The following PTPRM variants were observed in gnomAD, a reference collection of about 807,000 sequenced individuals.
PTPRM encodes protein tyrosine phosphatase receptor type M, also known as receptor-type tyrosine-protein phosphatase mu.
PTPRM carries 47 observed loss-of-function variants against 186.7 expected under a neutral mutation model. That is an observed-to-expected ratio of 0.25 (90% CI 0.20 to 0.32). The LOEUF (loss-of-function observed/expected upper bound fraction) is 0.32, where lower values mean the gene tolerates loss of function less well. PTPRM is among the 10% of genes least tolerant of loss of function. PTPRM has a pLI of 1.00. For synonymous variants in PTPRM, 668 were observed against 674.9 expected (o/e 0.99, Z 0.16); for missense variants, 1,494 against 1,865.0 (o/e 0.80, Z 3.66).
intron 10 of PTPRM, among the ~76,000 whole-genome samples, chr18:8,087,445 G>A (rs1266176053): frequency 6.6e-6 from 1 of 152,110 alleles, no homozygotes; most frequent in Non-Finnish European, 1.5e-5. Flanking sequence ...GGAGACCTCA[G>A]GAAACACAAT....
At chr18:8,240,780 GAGAGAGAGAGAGAGAGA>G (rs2094421011) in intron 14 of PTPRM, among the ~76,000 whole-genome samples, 1 of 25,588 alleles carries the variant, frequency 3.9e-5, no homozygotes, top group African/African-American at 2.9e-4. Flanking sequence ...GAGAGAGGGA[GAGAGAGAGAGAGAGAGA>G]GAGAGAGAGA....
At chr18:7,891,060 T>C (rs1051947898) in intron 3 of PTPRM, among the ~76,000 whole-genome samples, 2 of 150,990 alleles carry the variant, frequency 1.3e-5, no homozygotes, top group African/African-American at 4.9e-5. Context: ...GAGGATCACC[T>C]GGGTCCAGGA....
At chr18:7,717,852 G>A (rs112524404) in intron 1 of PTPRM, among the ~76,000 whole-genome samples, 3,349 of 152,242 alleles carry the variant, frequency 0.022, 119 homozygotes, top group African/African-American at 0.076. Context: ...TTGAGTGAGT[G>A]GAGTTTGATC....
At chr18:7,862,210 A>G (rs966107563) in intron 2 of PTPRM, among the ~76,000 whole-genome samples, 1 of 152,222 alleles carries the variant, frequency 6.6e-6, no homozygotes, top group African/African-American at 2.4e-5. Context: ...AATTTGCTGT[A>G]TAATAGTAGG....
At chr18:7,854,800 C>A (rs2047018222) in intron 2 of PTPRM, among the ~76,000 whole-genome samples, 1 of 142,702 alleles carries the variant, frequency 7.0e-6, no homozygotes, top group African/African-American at 2.6e-5. Flanking sequence ...TAGAAGTTTT[C>A]TGTGTAAATG....
At chr18:8,022,761 A>G (rs1188734512) in intron 7 of PTPRM, among the ~76,000 whole-genome samples, 1 of 152,184 alleles carries the variant, frequency 6.6e-6, no homozygotes, top group Non-Finnish European at 1.5e-5. Context: ...AATGACTTCA[A>G]ATTCCTGAAT....
intron 7 of PTPRM, 114 bp from the exon 8 acceptor site, chr18:8,069,572 A>C: frequency 2.2e-6 from 2 of 899,318 alleles, no homozygotes; most frequent in South Asian, 3.7e-5. Flanking sequence ...TTATCCAGGA[A>C]GAAGAGGAGA....
At chr18:8,284,156 C>G (rs1050181662) in intron 19 of PTPRM, among the ~76,000 whole-genome samples, 4 of 152,142 alleles carry the variant, frequency 2.6e-5, no homozygotes, top group African/African-American at 9.7e-5. Flanking sequence ...GTTTGCATTT[C>G]AAAATTGACC....
intron 19 of PTPRM, among the ~76,000 whole-genome samples, chr18:8,279,189 G>A (rs2094872797): frequency 6.6e-6 from 1 of 152,184 alleles, no homozygotes; most frequent in South Asian, 2.1e-4. Context: ...ATCAAGGATG[G>A]TCTAAATATG....
chr18:8,105,213 C>T (rs2091462700), intron 11 of PTPRM, among the ~76,000 whole-genome samples: 3 of 152,270 alleles, frequency 2.0e-5, no homozygotes, highest in South Asian at 4.1e-4. Flanking sequence ...GTTGCTGAAT[C>T]GCTACAGTGA....
At chr18:8,379,454 A>G in intron 28 of PTPRM, 114 bp downstream of exon 28, 1 of 1,137,920 alleles carries the variant, frequency 8.8e-7, no homozygotes, top group Non-Finnish European at 1.2e-6. Context: ...TAAGACACAA[A>G]CTTTTTTTTC....
At chr18:7,883,581 A>C (rs1191383646) in intron 2 of PTPRM, among the ~76,000 whole-genome samples, 1 of 152,204 alleles carries the variant, frequency 6.6e-6, no homozygotes, top group African/African-American at 2.4e-5. Flanking sequence ...ATAATAGTAC[A>C]CCACTGTCAG....
chr18:8,399,112 G>A (rs972370775), intron 32 of PTPRM, among the ~76,000 whole-genome samples: 8 of 152,204 alleles, frequency 5.3e-5, no homozygotes, highest in Non-Finnish European at 1.2e-4. Context: ...AAAATAGAAC[G>A]AGTGCTCCAA....
intron 7 of PTPRM, among the ~76,000 whole-genome samples, chr18:7,957,078 G>A (rs1326458511): frequency 1.3e-5 from 2 of 152,106 alleles, no homozygotes; most frequent in Non-Finnish European, 2.9e-5. Flanking sequence ...TCCAAAAGCA[G>A]GTTAGAATTT....
intron 14 of PTPRM, among the ~76,000 whole-genome samples, chr18:8,186,325 C>CAAAAAAAAAAAAAAAAAAAAAAAATAA (rs5822996): frequency 1.1e-5 from 1 of 94,786 alleles, no homozygotes. Context: ...TACTCCATCT[C>CAAAAAAAAAAAAAAAAAAAAAAAATAA]AAAAAAAAAA....
chr18:8,094,285 AT>A (rs1016877800), intron 11 of PTPRM, among the ~76,000 whole-genome samples: 1 of 151,942 alleles, frequency 6.6e-6, no homozygotes, highest in African/African-American at 2.4e-5. Flanking sequence ...AGGTGGGAGG[AT>A]TGTTTGAGCT....
At chr18:7,571,994 T>C (rs1162942348) in intron 1 of PTPRM, among the ~76,000 whole-genome samples, 1 of 152,218 alleles carries the variant, frequency 6.6e-6, no homozygotes, top group Non-Finnish European at 1.5e-5. Flanking sequence ...CATAGCATTT[T>C]ACATTTTCAA....
At chr18:8,239,920 T>C (rs2147244517) in intron 14 of PTPRM, among the ~76,000 whole-genome samples, 1 of 152,206 alleles carries the variant, frequency 6.6e-6, no homozygotes, top group East Asian at 1.9e-4. Context: ...GTTTGGAGAT[T>C]GGAGATTAAA....
intron 2 of PTPRM, among the ~76,000 whole-genome samples, chr18:7,823,432 A>G (rs1457664397): frequency 2.6e-5 from 4 of 152,218 alleles, no homozygotes; most frequent in Non-Finnish European, 5.9e-5. Flanking sequence ...TGGTGTGATC[A>G]TTAAGTGTCA....
Sources: gnomAD v4.1 joint callset for allele counts (sites outside exome capture counted in the v4.1 genomes callset) on GRCh38, gnomAD v4.1.1 for gene constraint, MANE v1.5 for transcripts, NCBI Gene and HGNC (gene_info 2026-07-23, HGNC 2026-07-21) for gene names.